The following EXOC4 variants were observed in gnomAD, a reference collection of about 807,000 sequenced individuals.
EXOC4 encodes the protein SEC8-like 1.
Under a neutral mutation model 107.2 loss-of-function variants are expected in EXOC4, and 71 were observed. That is an observed-to-expected ratio of 0.66 (90% CI 0.55 to 0.81). The LOEUF is 0.81. Among genes scored for constraint, EXOC4 ranks in the 30% least tolerant of loss-of-function variants. EXOC4 has a pLI of 0.00. For synonymous variants in EXOC4, 456 were observed against 441.2 expected (o/e 1.03, Z -0.42); for missense variants, 1,108 against 1,189.6 (o/e 0.93, Z 1.01).
intron 10 of EXOC4, among the ~76,000 whole-genome samples, chr7:133,781,446 G>T (rs776303610): frequency 2.6e-5 from 4 of 152,244 alleles, no homozygotes; most frequent in Non-Finnish European, 5.9e-5. Context: ...TTGGAATCTG[G>T]CTCCGCCACT....
intron 11 of EXOC4, among the ~76,000 whole-genome samples, chr7:133,855,852 A>G (rs140339306): frequency 0.011 from 1,605 of 152,274 alleles, 15 homozygotes; most frequent in Middle Eastern, 0.017. Context: ...TCTACAGAGA[A>G]GGCGCTGATT....
At chr7:134,059,352 G>T (rs906972466) in intron 17 of EXOC4, among the ~76,000 whole-genome samples, 3 of 152,094 alleles carry the variant, frequency 2.0e-5, no homozygotes, top group African/African-American at 7.2e-5. Context: ...CTGGCCTCTT[G>T]TCTATGAAAA....
chr7:133,880,529 T>C (rs980967221), intron 11 of EXOC4, among the ~76,000 whole-genome samples: 1 of 152,188 alleles, frequency 6.6e-6, no homozygotes, highest in African/African-American at 2.4e-5. Flanking sequence ...AACTTAGCCG[T>C]AGAGTTGCAT....
intron 17 of EXOC4, among the ~76,000 whole-genome samples, chr7:134,026,099 T>C (rs1795131752): frequency 6.6e-6 from 1 of 152,130 alleles, no homozygotes; most frequent in African/African-American, 2.4e-5. Flanking sequence ...TAAAGGAAAT[T>C]TCTTGAATCA....
chr7:133,328,747 C>T (rs1287055017), intron 5 of EXOC4, among the ~76,000 whole-genome samples: 1 of 152,124 alleles, frequency 6.6e-6, no homozygotes, highest in Non-Finnish European at 1.5e-5. Context: ...TGAATATTGG[C>T]CCTCACTGTC....
chr7:133,266,751 A>G (rs188812832), intron 1 of EXOC4, among the ~76,000 whole-genome samples: 101 of 152,300 alleles, frequency 6.6e-4, no homozygotes, highest in African/African-American at 2.3e-3. Flanking sequence ...ATGGCCATGT[A>G]AGATTTGTGA....
intron 17 of EXOC4, among the ~76,000 whole-genome samples, chr7:134,039,550 A>G (rs1354224501): frequency 2.0e-5 from 3 of 152,192 alleles, no homozygotes; most frequent in African/African-American, 7.2e-5. Flanking sequence ...TCATATTTCC[A>G]GGTCTGCTAG....
chr7:133,879,181 G>A (rs1424608127), intron 11 of EXOC4, among the ~76,000 whole-genome samples: 4 of 152,016 alleles, frequency 2.6e-5, no homozygotes, highest in Non-Finnish European at 4.4e-5. Context: ...GCTTACCTGG[G>A]ACACCTGGAC....
intron 10 of EXOC4, among the ~76,000 whole-genome samples, chr7:133,702,976 A>G (rs536855937): frequency 2.0e-5 from 3 of 152,224 alleles, no homozygotes; most frequent in African/African-American, 7.2e-5. Flanking sequence ...CCATCAGTCA[A>G]TGAATGAAAT....
At position 133,971,401 on chromosome 7, in the gene EXOC4, G is replaced by GAGAGAA. The variant is rs1296299775; in HGVS notation, c.2207-26090_2207-26089insGAGAAA. Among the ~76,000 whole-genome samples, 581 of 110,634 alleles carry GAGAGAA rather than the reference G, an allele frequency of 5.3e-3. 15 individuals carry two copies. Among genetic ancestry groups the GAGAGAA allele is most frequent in the East Asian group, 7.6e-3 (21 of 2,776 alleles). 72.6% of individuals were successfully genotyped at this position (110,634 alleles called of 152,430 possible). ...AGAGAGAGAGAGAGAGAGAGAGAGAGAAAGAGAGAGAGAATATGTATTCTA... is the reference window on the plus strand; with the variant it reads ...AGAGAGAGAGAGAGAGAGAGAGAGAGAGAGAAAAAGAGAGAGAGAATATGTATTCTA... On this transcript the variant is annotated intron_variant, in intron 14 of 17. Coordinates refer to ENST00000253861, the MANE Select transcript of EXOC4 (RefSeq NM_021807.4).
intron 5 of EXOC4, among the ~76,000 whole-genome samples, chr7:133,335,855 AT>A (rs1207031286): frequency 6.6e-6 from 1 of 151,700 alleles, no homozygotes; most frequent in Non-Finnish European, 1.5e-5. Flanking sequence ...CATTTTCTGT[AT>A]TTTTTTTCTT....
At chr7:133,939,626 A>C (rs1800381841) in intron 14 of EXOC4, among the ~76,000 whole-genome samples, 1 of 152,204 alleles carries the variant, frequency 6.6e-6, no homozygotes, top group African/African-American at 2.4e-5. Context: ...CCTCCCAAGT[A>C]GCTGGGACTA....
intron 14 of EXOC4, among the ~76,000 whole-genome samples, chr7:133,977,053 G>A (rs1563078024): frequency 6.6e-6 from 1 of 152,126 alleles, no homozygotes; most frequent in South Asian, 2.1e-4. Flanking sequence ...AACCTGTGGA[G>A]CCCAGAAATT....
At chr7:133,982,295 G>A (rs1395410977) in intron 14 of EXOC4, among the ~76,000 whole-genome samples, 1 of 152,236 alleles carries the variant, frequency 6.6e-6, no homozygotes, top group Admixed American at 6.5e-5. Context: ...GCTCACGCCT[G>A]TAATCCCAGC....
intron 9 of EXOC4, among the ~76,000 whole-genome samples, chr7:133,626,217 A>AG (rs200156291): frequency 6.6e-6 from 1 of 151,900 alleles, no homozygotes; most frequent in African/African-American, 2.4e-5. Flanking sequence ...CAAAAAAAAA[A>AG]GGTTCCTGAC....
intron 2 of EXOC4, among the ~76,000 whole-genome samples, chr7:133,285,201 A>G (rs532017929): frequency 9.2e-5 from 14 of 152,284 alleles, no homozygotes; most frequent in Non-Finnish European, 1.6e-4. Context: ...GCCATACAGC[A>G]TACTGTGATT....
chr7:133,579,869 G>A (rs1313510827), intron 9 of EXOC4, among the ~76,000 whole-genome samples: 1 of 150,804 alleles, frequency 6.6e-6, no homozygotes, highest in Non-Finnish European at 1.5e-5. Context: ...TGTATTTTTA[G>A]TTGAGATGGG....
intron 6 of EXOC4, among the ~76,000 whole-genome samples, chr7:133,371,038 A>G (rs910078543): frequency 6.6e-6 from 1 of 152,248 alleles, no homozygotes; most frequent in Admixed American, 6.5e-5. Context: ...AAAGAGAAAG[A>G]AAAAACCAAG....
intron 13 of EXOC4, among the ~76,000 whole-genome samples, chr7:133,919,269 A>T (rs1490345798): frequency 6.6e-6 from 1 of 152,196 alleles, no homozygotes; most frequent in Non-Finnish European, 1.5e-5. Context: ...AAAAGTACAG[A>T]GTTGCCATAG....
Sources: gnomAD v4.1 joint callset for allele counts (sites outside exome capture counted in the v4.1 genomes callset) on GRCh38, gnomAD v4.1.1 for gene constraint, MANE v1.5 for transcripts, NCBI Gene and HGNC (gene_info 2026-07-23, HGNC 2026-07-21) for gene names.